Variants in TRIM45 observed in about 807,000 individuals in gnomAD.
The protein encoded by TRIM45 is E3 ubiquitin-protein ligase TRIM45.
In TRIM45, 45 loss-of-function variants were observed where a neutral mutation model predicts 46.7. The ratio of observed to expected loss-of-function variants is 0.96; its 90% CI spans 0.76 to 1.24. The LOEUF (loss-of-function observed/expected upper bound fraction) is 1.24. TRIM45 is among the 50% of genes most tolerant of loss of function. The pLI, the probability that TRIM45 is intolerant of heterozygous loss-of-function variation, is 0.00. For missense variants in TRIM45, 680 were observed against 728.4 expected (o/e 0.93, Z 0.77); for synonymous variants, 259 against 285.8 (o/e 0.91, Z 0.94).
At chr1:117,112,531 G>T in intron 5 of TRIM45, 78 bp from the exon 6 acceptor site, 1 of 1,363,162 alleles carries the variant, frequency 7.3e-7, no homozygotes, top group African/African-American at 1.5e-5. Context: ...ATGGAAATTA[G>T]ACCTCCTGGC....
Position 117,116,674 on chromosome 1 carries a change from T to C in TRIM45, c.1294A>G (p.Met432Val). 6.2e-7 allele frequency: 1 copy of C among 1,614,112 alleles called. No homozygotes were observed. The highest frequency in any genetic ancestry group is 1.1e-5 in the South Asian group (1 of 91,074). ...LLCKDAAGEI[M>V]GRGGDNVQVA... The stretch of plus-strand genomic sequence containing the variant: ...TGAACGTTGTCTCCTCCCCTGCCCA[T>C]GATTTCTCCTGCGGCATCCTTACAA... Residue 432 changes from methionine to valine, a missense_variant, in exon 3 of 6, where the codon ATG (methionine) becomes GTG (valine). By Grantham distance (21) the Met-to-Val change is conservative (BLOSUM62 1). Coordinates refer to ENST00000256649, the MANE Select transcript of TRIM45 (RefSeq NM_025188.4). The surrounding 1 kb of genome is among the most constrained non-coding windows in gnomAD (Gnocchi z 4.6).
chr1:117,120,581 T>C (rs1408511122), intron 1 of TRIM45, 133 bp downstream of exon 1: 1 of 1,292,404 alleles, frequency 7.7e-7, no homozygotes, highest in Admixed American at 2.5e-5. Flanking sequence ...TGCTATTGCA[T>C]TGTTATATTG....
At position 117,113,591 on chromosome 1, in the gene TRIM45, G is replaced by GTC; in HGVS notation, c.1468-107_1468-106insGA. On this transcript the variant is annotated intron_variant, in intron 4 of 5. Coordinates refer to ENST00000256649, the MANE Select transcript of TRIM45 (RefSeq NM_025188.4). This position sits in a 1 kb window ranked among gnomAD's most constrained non-coding sequence, Gnocchi z 4.0. ...AGTCTGAGGCACAGGGCCTGTCCTT[G>GTC]GATGGACAAGGACAACAGGAAAGAA... 1.4e-6 allele frequency: 2 copies of GTC among 1,402,822 alleles called. No individual in the cohort carries two copies. Among genetic ancestry groups the GTC allele is most frequent in the Non-Finnish European group, 1.9e-6 (2 of 1,044,814 alleles). The allele number at this position is 1,402,822 out of a possible 1,614,324, so 86.9% of individuals were successfully genotyped here. A position where few individuals can be genotyped will look rare whatever the true frequency, so the allele number is the denominator to read the frequency against.
rs564341449 is a variant in TRIM45, at chr1:117,118,306, A to C, written c.950T>G (p.Leu317Arg). 6.2e-7 allele frequency: 1 copy of C among 1,614,180 alleles called. No individual in the cohort carries two copies. The highest frequency in any genetic ancestry group is 2.2e-5 in the East Asian group (1 of 44,876). The change falls in exon 2 of 6, where the codon CTG (leucine) becomes CGG (arginine). Residue 317 changes from leucine to arginine, a missense_variant. By Grantham distance (102) the Leu-to-Arg change is moderately radical. Coordinates refer to ENST00000256649, the MANE Select transcript of TRIM45 (RefSeq NM_025188.4). The surrounding 1 kb of genome is among the most constrained non-coding windows in gnomAD (Gnocchi z 5.7). Reference sequence around the variant, plus strand: ...CCGCATGTCTGCCAGTAACTGTTCCAGCTGGGCCTTCTGCAGCTGCAGGGA... The same window carrying C: ...CCGCATGTCTGCCAGTAACTGTTCCCGCTGGGCCTTCTGCAGCTGCAGGGA... ...ENSLQLQKAQ[L>R]EQLLADMRTG...
chr1:117,117,944 G>T lies in TRIM45; in HGVS notation c.1222+90C>A, dbSNP rs1185873426. ...CACCTTTGGTAACCTGGTCAGTAGGGCATGCTTCCTAGCAGAACAAGCCAC... is the reference window on the plus strand; with the variant it reads ...CACCTTTGGTAACCTGGTCAGTAGGTCATGCTTCCTAGCAGAACAAGCCAC... On this transcript the variant is annotated intron_variant, in intron 2 of 5. Coordinates refer to ENST00000256649, the MANE Select transcript of TRIM45 (RefSeq NM_025188.4). This position sits in a 1 kb window ranked among gnomAD's most constrained non-coding sequence, Gnocchi z 4.9. 20 of 1,497,076 alleles carry T rather than the reference G, an allele frequency of 1.3e-5. No homozygotes were observed. The highest frequency in any genetic ancestry group is 1.4e-5 in the Non-Finnish European group (16 of 1,104,362). The allele number at this position is 1,497,076 out of a possible 1,614,324, so 92.7% of individuals were successfully genotyped here.
chr1:117,116,351 A>G lies in TRIM45; in HGVS notation c.1352+265T>C, dbSNP rs532452638. ...TGGGCTCAAGGGATCCTCCCATCTC[A>G]GCCTCCTGAATAGCTGGGATTATAG... On this transcript the variant is annotated intron_variant, in intron 3 of 5. Coordinates refer to ENST00000256649, the MANE Select transcript of TRIM45 (RefSeq NM_025188.4). The surrounding 1 kb of genome is among the most constrained non-coding windows in gnomAD (Gnocchi z 4.6). 5.9e-5 allele frequency among the ~76,000 whole-genome samples: 9 copies of G among 151,346 alleles called. No individual in the cohort carries two copies. The East Asian group carries it at 1.8e-3, about 29-fold the overall frequency.
At position 117,116,703 on chromosome 1, in the gene TRIM45, A is replaced by T. The variant is rs1249219961; in HGVS notation, c.1265T>A (p.Leu422Gln). Residue 422 changes from leucine to glutamine, a missense_variant, in exon 3 of 6, where the codon CTG becomes CAG. By Grantham distance (113) the Leu-to-Gln change is moderately radical. Around this residue, in one of 3 missense-constraint regions of TRIM45, gnomAD observed 322 missense variants for 359.3 expected, o/e 0.90. Transcript: ENST00000256649. This position sits in a 1 kb window ranked among gnomAD's most constrained non-coding sequence, Gnocchi z 4.6. Reference sequence around the variant, plus strand: ...TTCTCCTGCGGCATCCTTACAAAGCAGGGTGAAAGAGGCCGTCTGTTTCTC... The same window carrying T: ...TTCTCCTGCGGCATCCTTACAAAGCTGGGTGAAAGAGGCCGTCTGTTTCTC... ...AREKQTASFT[L>Q]LCKDAAGEIM... 1 of 1,614,056 alleles carries T rather than the reference A, an allele frequency of 6.2e-7. No homozygotes were observed. The highest frequency in any genetic ancestry group is 1.3e-5 in the African/African-American group (1 of 74,930).
At position 117,117,422 on chromosome 1, in the gene TRIM45, C is replaced by G. The variant is rs967819598; in HGVS notation, c.1222+612G>C. Among the ~76,000 whole-genome samples, 1 of 152,176 alleles carries G rather than the reference C, an allele frequency of 6.6e-6. No individual in the cohort carries two copies. Among genetic ancestry groups the G allele is most frequent in the African/African-American group, 2.4e-5 (1 of 41,440 alleles). ...TAAGAATGCCTGTGTCATTAAGATGCAATCTTCCTATCAGGACTGACCTAC... is the reference window on the plus strand; with the variant it reads ...TAAGAATGCCTGTGTCATTAAGATGGAATCTTCCTATCAGGACTGACCTAC... On this transcript the variant is annotated intron_variant, in intron 2 of 5. Transcript: ENST00000256649. The surrounding 1 kb of genome is among the most constrained non-coding windows in gnomAD (Gnocchi z 4.9).
chr1:117,116,769 C>G lies in TRIM45; in HGVS notation c.1223-24G>C, dbSNP rs761051699. The G allele has an allele frequency of 1.2e-6, 2 of 1,613,676 alleles. No homozygotes were observed. The highest frequency in any genetic ancestry group is 1.7e-6 in the Non-Finnish European group (2 of 1,179,710). On this transcript the variant is annotated intron_variant, in intron 2 of 5. Coordinates refer to ENST00000256649, the MANE Select transcript of TRIM45 (RefSeq NM_025188.4). This position sits in a 1 kb window ranked among gnomAD's most constrained non-coding sequence, Gnocchi z 4.6. ...GTCTGAAAAAGATAAACACTCGGTC[C>G]TCACCTCGAATGTAAACTGCAGTGA...
At chr1:117,123,818 A>T (rs1298687725), upstream of TRIM45, among the ~76,000 whole-genome samples, 2 of 152,052 alleles carry the variant, frequency 1.3e-5, no homozygotes, top group East Asian at 3.9e-4. Context: ...TTTAGTAGAG[A>T]CTGGATTTCA....
rs1246284757 is a variant in TRIM45 at position 117,111,964 on chromosome 1, GA to G, written c.*340del. 7.0e-5 allele frequency: 10 copies of G among 142,964 alleles called. No individual in the cohort carries two copies. The East Asian group carries it at 9.5e-4, about 14-fold the overall frequency. 8.9% of individuals were successfully genotyped at this position (142,964 alleles called of 1,614,324 possible). ...TCTGTCTTTAAAAAAAAAAAAAAAA[GA>G]AAAAAAAAGGGTTATATCAGAAAGG... On this transcript the variant is annotated 3_prime_UTR_variant, in exon 6 of 6. Transcript: ENST00000256649.
chr1:117,111,337 C>T lies in TRIM45; in HGVS notation c.*968G>A, dbSNP rs1190820120. 1 of 152,172 alleles carries T rather than the reference C, an allele frequency of 6.6e-6. No individual in the cohort carries two copies. Among genetic ancestry groups the T allele is most frequent in the Non-Finnish European group, 1.5e-5 (1 of 68,030 alleles). 9.4% of individuals were successfully genotyped at this position (152,172 alleles called of 1,614,324 possible). A position where few individuals can be genotyped will look rare whatever the true frequency, so the allele number is the denominator to read the frequency against. On this transcript the variant is annotated 3_prime_UTR_variant, in exon 6 of 6. Coordinates refer to ENST00000256649, the MANE Select transcript of TRIM45 (RefSeq NM_025188.4). ...AGAGCTGTGAGAAGGATGAAGGTGT[C>T]TAGATTTTCTGTATAAGTAGAACTG...
At position 117,121,076 on chromosome 1, in the gene TRIM45, C is replaced by T. The variant is rs1168529497; in HGVS notation, c.126G>A (p.Leu42=). 5.0e-6 allele frequency: 8 copies of T among 1,614,156 alleles called. No homozygotes were observed. Among genetic ancestry groups the T allele is most frequent in the Non-Finnish European group, 6.8e-6 (8 of 1,180,032 alleles). Residue 42 remains leucine, a synonymous_variant, in exon 1 of 6, where the codon TTG becomes TTA. Transcript: ENST00000256649. The surrounding 1 kb of genome is among the most constrained non-coding windows in gnomAD (Gnocchi z 4.2). ...TGGTGCAAACTGTATGCAAACAAGG[C>T]AAGAGCCTGGGGGCTTTGAAAAGCC... ...CLGLFKAPRL[L]PCLHTVCTTC...
At chr1:117,120,564 G>T in intron 1 of TRIM45, 150 bp downstream of exon 1, 2 of 1,082,594 alleles carry the variant, frequency 1.8e-6, no homozygotes, top group Non-Finnish European at 2.6e-6. Flanking sequence ...TGTTGTACTG[G>T]AGTATTTGCT....
At position 117,117,921 on chromosome 1, in the gene TRIM45, C is replaced by T; in HGVS notation, c.1222+113G>A. ...TCTTTCAGATCAGTTTATCTCCCCA[C>T]CTTTGGTAACCTGGTCAGTAGGGCA... On this transcript the variant is annotated intron_variant, in intron 2 of 5. Coordinates refer to ENST00000256649, the MANE Select transcript of TRIM45 (RefSeq NM_025188.4). This position sits in a 1 kb window ranked among gnomAD's most constrained non-coding sequence, Gnocchi z 4.9. 2 of 1,394,738 alleles carry T rather than the reference C, an allele frequency of 1.4e-6. No individual in the cohort carries two copies. Among genetic ancestry groups the T allele is most frequent in the South Asian group, 1.4e-5 (1 of 72,390 alleles). The allele number at this position is 1,394,738 out of a possible 1,614,324, so 86.4% of individuals were successfully genotyped here.
At chr1:117,123,066 A>G (rs1570920783), upstream of TRIM45, among the ~76,000 whole-genome samples, 2 of 152,252 alleles carry the variant, frequency 1.3e-5, no homozygotes, top group Middle Eastern at 3.4e-3. Flanking sequence ...AACCATTATA[A>G]AATATAAAAA....
At position 117,113,389 on chromosome 1, in the gene TRIM45, C is replaced by T. The variant is rs760753547; in HGVS notation, c.1564G>A (p.Ala522Thr). ...TFCSSGGQKT[A>T]RCACGGTMPG... ...ATGGTGCCTCCACAGGCGCAGCGAG[C>T]GGTTTTCTGGCCCCCGCTGGAGCAG... The change falls in exon 5 of 6, where the codon GCT becomes ACT. Residue 522 changes from alanine to threonine, a missense_variant. By Grantham distance (58) the Ala-to-Thr change is moderately conservative. Around this residue, in one of 3 missense-constraint regions of TRIM45, gnomAD observed 322 missense variants for 359.3 expected, o/e 0.90. Coordinates refer to ENST00000256649, the MANE Select transcript of TRIM45 (RefSeq NM_025188.4). This position sits in a 1 kb window ranked among gnomAD's most constrained non-coding sequence, Gnocchi z 4.0. 5.7e-5 allele frequency: 92 copies of T among 1,612,108 alleles called. No individual in the cohort carries two copies. Among genetic ancestry groups the T allele is most frequent in the African/African-American group, 1.2e-4 (9 of 74,878 alleles).
intron 1 of TRIM45, among the ~76,000 whole-genome samples, 185 bp downstream of exon 1, chr1:117,120,505 GCTATATTAGGCTATATATTAGGTA>G (rs1257738492): frequency 6.6e-6 from 1 of 152,198 alleles, no homozygotes; most frequent in Non-Finnish European, 1.5e-5. Context: ...TATTGCTATT[GCTATATTAGGCTATATATTAGGTA>G]CTATATTAGG....
chr1:117,114,065 G>A (rs1650315076), intron 4 of TRIM45, among the ~76,000 whole-genome samples: 1 of 152,176 alleles, frequency 6.6e-6, no homozygotes, highest in Non-Finnish European at 1.5e-5. Context: ...AGGACATTCT[G>A]TGGTCCCTTC....
Sources: allele counts gnomAD v4.1 joint callset (sites outside exome capture counted in the v4.1 genomes callset), GRCh38; gene constraint gnomAD v4.1.1; regional missense constraint gnomAD v4.1.1; non-coding constraint Gnocchi (gnomAD v3.1); transcripts MANE v1.5; gene names NCBI Gene and HGNC (gene_info 2026-07-23, HGNC 2026-07-21).